Variants in INTS11 observed in about 807,000 individuals in gnomAD.
INTS11 encodes the protein CPSF3-like protein.
Under a neutral mutation model 78.6 loss-of-function variants are expected in INTS11, and 77 were observed. The observed-to-expected ratio is 0.98, with a 90% confidence interval of 0.81 to 1.18. INTS11 has a LOEUF of 1.18. Ranked by LOEUF, INTS11 falls within the 50% of genes most tolerant of loss-of-function variation. The pLI, the probability that INTS11 is intolerant of heterozygous loss-of-function variation, is 0.00. For missense variants in INTS11, 875 were observed against 825.9 expected (o/e 1.06, Z -0.73); for synonymous variants, 441 against 326.9 (o/e 1.35, Z -3.77).
chr1:1,314,550 G>A lies in INTS11; in HGVS notation c.703-185C>T. On this transcript the variant is annotated intron_variant, in intron 7 of 16. Transcript: ENST00000435064. This position sits in a 1 kb window ranked among gnomAD's most constrained non-coding sequence, Gnocchi z 4.2. ...AAGGGAGCCGTATGAGAGACAGGAGGGAGCCGCATGAGAGACAGAAGGGAG... is the reference window on the plus strand; with the variant it reads ...AAGGGAGCCGTATGAGAGACAGGAGAGAGCCGCATGAGAGACAGAAGGGAG... The A allele has an allele frequency of 6.2e-6, 4 of 643,264 alleles. No homozygotes were observed. The highest frequency in any genetic ancestry group is 1.1e-5 in the Non-Finnish European group (4 of 375,326). The allele number at this position is 643,264 out of a possible 1,614,324, so 39.8% of individuals were successfully genotyped here. A position where few individuals can be genotyped will look rare whatever the true frequency, so the allele number is the denominator to read the frequency against.
At chr1:1,315,188 C>CTGGGAAGAG in intron 6 of INTS11, 1 of 725,166 alleles carries the variant, frequency 1.4e-6, no homozygotes, top group East Asian at 2.7e-5. Context: ...GGCACCCACC[C>CTGGGAAGAG]AGAGACTTGG....
chr1:1,311,966 G>A, intron 16 of INTS11, 42 bp from the exon 17 acceptor site: 6 of 1,596,196 alleles, frequency 3.8e-6, no homozygotes, highest in East Asian at 2.2e-5. Flanking sequence ...GCAGGACAGG[G>A]AGGAATGTTG....
At chr1:1,320,038 A>G in intron 3 of INTS11, 1 of 217,192 alleles carries the variant, frequency 4.6e-6, no homozygotes, top group Non-Finnish European at 9.3e-6. Flanking sequence ...AGGACAGGGC[A>G]GGGAAGGGCA....
chr1:1,319,423 G>A lies in INTS11; in HGVS notation c.302C>T (p.Pro101Leu). ...YMTHPTQAIC[P>L]ILLEDYRKIA... ...CTTGCGGTAGTCCTCCAGCAAGATGGGGCAGATGGCCTGGGTGGGGTGAGT... is the reference window on the plus strand; with the variant it reads ...CTTGCGGTAGTCCTCCAGCAAGATGAGGCAGATGGCCTGGGTGGGGTGAGT... The change falls in exon 4 of 17, where the codon CCC (proline) becomes CTC (leucine). Residue 101 changes from proline to leucine, a missense_variant. Pro to Leu is a moderately conservative substitution (Grantham distance 98, BLOSUM62 -3). Coordinates refer to ENST00000435064, the MANE Select transcript of INTS11 (RefSeq NM_017871.6). 6.2e-7 allele frequency: 1 copy of A among 1,613,218 alleles called. No individual in the cohort carries two copies. The highest frequency in any genetic ancestry group is 8.5e-7 in the Non-Finnish European group (1 of 1,179,948).
At chr1:1,315,858 C>T (rs1285350723) in intron 4 of INTS11, among the ~76,000 whole-genome samples, 4 of 144,378 alleles carry the variant, frequency 2.8e-5, no homozygotes, top group African/African-American at 1.0e-4. Context: ...GGGCGGGGAG[C>T]GAGGGCACTG....
At chr1:1,323,299 G>A (rs775848452) in intron 1 of INTS11, 11 of 1,543,932 alleles carry the variant, frequency 7.1e-6, no homozygotes, top group Non-Finnish European at 9.6e-6. Flanking sequence ...TGTGGAAAAC[G>A]CTAAGGACAT....
rs763140442 is a variant in INTS11 at position 1,312,094 on chromosome 1, T to TC, written c.1660dup (p.Glu554GlyfsTer12). ...GGCGGCGGCCTGGAGGAGGACGGAC[T>TC]CCACAGTCACAGAGCCGTCTGGGAG... On this transcript the variant is annotated frameshift_variant, in exon 16 of 17. Coordinates refer to ENST00000435064, the MANE Select transcript of INTS11 (RefSeq NM_017871.6). LOFTEE classifies it high-confidence loss of function. The TC allele has an allele frequency of 1.9e-6, 3 of 1,576,090 alleles. No individual in the cohort carries two copies. The African/African-American group carries it at 4.0e-5, about 21-fold the overall frequency.
Position 1,314,331 on chromosome 1 carries a change from TGGGC to T in INTS11, c.733_736del (p.Ala245ArgfsTer14). On this transcript the variant is annotated frameshift_variant, in exon 8 of 17. Coordinates refer to ENST00000435064, the MANE Select transcript of INTS11 (RefSeq NM_017871.6). LOFTEE classifies it high-confidence loss of function. This position sits in a 1 kb window ranked among gnomAD's most constrained non-coding sequence, Gnocchi z 4.2. Reference sequence around the variant, plus strand: ...GGTCTCCAGGAGGATGCAGAGCTCCTGGGCGCGGCCCAGCGCGAACACAGGTATC... The same window carrying T: ...GGTCTCCAGGAGGATGCAGAGCTCCTGCGGCCCAGCGCGAACACAGGTATC... 6.2e-7 allele frequency: 1 copy of T among 1,606,928 alleles called. No individual in the cohort carries two copies. Among genetic ancestry groups the T allele is most frequent in the Non-Finnish European group, 8.5e-7 (1 of 1,177,614 alleles).
chr1:1,314,447 G>T lies in INTS11; in HGVS notation c.703-82C>A. 2.3e-6 allele frequency: 3 copies of T among 1,300,362 alleles called. No homozygotes were observed. The highest frequency in any genetic ancestry group is 1.3e-5 in the South Asian group (1 of 74,320). The allele number at this position is 1,300,362 out of a possible 1,614,324, so 80.6% of individuals were successfully genotyped here. On this transcript the variant is annotated intron_variant, in intron 7 of 16. Coordinates refer to ENST00000435064, the MANE Select transcript of INTS11 (RefSeq NM_017871.6). The surrounding 1 kb of genome is among the most constrained non-coding windows in gnomAD (Gnocchi z 4.2). ...GCGTCCAGTGAGGGCACGGCCAGGT[G>T]CCCAAGAGCTGCGGCCTCATAGGGA...
intron 1 of INTS11, chr1:1,322,949 A>G (rs1264751424): frequency 1.5e-6 from 2 of 1,358,120 alleles, no homozygotes. Context: ...AATTGAAGCC[A>G]CATGAAAGAT....
chr1:1,312,642 G>A lies in INTS11; in HGVS notation c.1353C>T (p.Ser451=), dbSNP rs763561763. The change falls in exon 13 of 17, where the codon AGC becomes AGT. Residue 451 remains serine, a synonymous_variant. Transcript: ENST00000435064. ...GCCCCAGCGAGATGCCTACGGGGAT[G>A]CTGGGGCTTGTGGGCAGCGTCACCG... is the stretch of plus-strand genomic sequence containing the variant. The part of the protein sequence containing the change: ...GETVTLPTSP[S]IPVGISLGLL... 4.2e-5 allele frequency: 67 copies of A among 1,591,962 alleles called. No homozygotes were observed. The highest frequency in any genetic ancestry group is 5.4e-5 in the Non-Finnish European group (63 of 1,165,552).
At chr1:1,324,431 G>A in intron 1 of INTS11, 150 bp downstream of exon 1, 1 of 749,614 alleles carries the variant, frequency 1.3e-6, no homozygotes, top group Non-Finnish European at 2.1e-6. Context: ...CCGCCTCTCG[G>A]CTCCCACCAG....
At chr1:1,315,657 A>G (rs1205202443) in intron 4 of INTS11, 39 bp from the exon 5 acceptor site, 2 of 1,423,800 alleles carry the variant, frequency 1.4e-6, no homozygotes, top group Non-Finnish European at 1.9e-6. Context: ...GTGTCCTCAC[A>G]GCAGAGGGGC....
chr1:1,315,706 C>T (rs1199657608), intron 4 of INTS11, 88 bp from the exon 5 acceptor site: 3 of 92,022 alleles, frequency 3.3e-5, no homozygotes, highest in South Asian at 4.8e-4. Flanking sequence ...GCGCGGGAGG[C>T]GGGGGTGGGG....
chr1:1,312,948 A>G lies in INTS11; in HGVS notation c.1133T>C (p.Leu378Pro), dbSNP rs766169503. Residue 378 changes from leucine to proline, a missense_variant and splice_region_variant, in exon 12 of 17, where the codon CTG becomes CCG. Transcript: ENST00000435064. The stretch of plus-strand genomic sequence containing the variant: ...GTACTCCACCTGCATCTTGACCTCC[A>G]GCTACAGAGGCCACGGGGCGTGGAC... ...RKLEMEGRQV[L>P]EVKMQVEYMS... 6.2e-7 allele frequency: 1 copy of G among 1,611,656 alleles called. No homozygotes were observed. Among genetic ancestry groups the G allele is most frequent in the African/African-American group, 1.3e-5 (1 of 75,032 alleles).
rs371231719 is a variant in INTS11 at position 1,313,721 on chromosome 1, G to T, written c.957+11C>A. On this transcript the variant is annotated intron_variant, in intron 9 of 16. Transcript: ENST00000435064. ...TGTGGATGTGCTGGCCGGCCCTGCC[G>T]CGGGCCTCACCATCGGTCCTGGGTT... 8.1e-6 allele frequency: 13 copies of T among 1,610,990 alleles called. No homozygotes were observed. The highest frequency in any genetic ancestry group is 3.3e-4 in the Middle Eastern group (2 of 6,058).
At chr1:1,318,847 T>C in intron 4 of INTS11, 1 of 623,762 alleles carries the variant, frequency 1.6e-6, no homozygotes, top group Non-Finnish European at 3.0e-6. Flanking sequence ...CACCTGTCAC[T>C]CGCTGATTTA....
Position 1,311,910 on chromosome 1 carries a change from C to A in INTS11, c.1752G>T (p.Gly584=). The A allele has an allele frequency of 6.4e-7, 1 of 1,574,738 alleles. No individual in the cohort carries two copies. The highest frequency in any genetic ancestry group is 8.6e-7 in the Non-Finnish European group (1 of 1,159,170). Residue 584 remains glycine, a synonymous_variant, in exon 17 of 17, where the codon GGG becomes GGT. Coordinates refer to ENST00000435064, the MANE Select transcript of INTS11 (RefSeq NM_017871.6). ...VSWTYQDEEL[G]SFLTSLLKKG... ...TCTTCAGCAGAGATGTGAGGAAGCTCCCCAGCTCCTCGTCCTAGGGCAGAG... is the reference window on the plus strand; with the variant it reads ...TCTTCAGCAGAGATGTGAGGAAGCTACCCAGCTCCTCGTCCTAGGGCAGAG...
Position 1,320,544 on chromosome 1 carries a change from G to A in INTS11, c.127-15C>T. On this transcript the variant is annotated splice_polypyrimidine_tract_variant and intron_variant, in intron 2 of 16. Transcript: ENST00000435064. Reference sequence around the variant, plus strand: ...GGGAAGCGTCGCTAGGAAGGATGTGGGGGTTTCAGGTTGCACAGTGGTCTC... The same window carrying A: ...GGGAAGCGTCGCTAGGAAGGATGTGAGGGTTTCAGGTTGCACAGTGGTCTC... The A allele has an allele frequency of 6.2e-7, 1 of 1,613,646 alleles. No individual in the cohort carries two copies. Among genetic ancestry groups the A allele is most frequent in the Non-Finnish European group, 8.5e-7 (1 of 1,179,798 alleles).
Sources: gnomAD v4.1 joint callset for allele counts (sites outside exome capture counted in the v4.1 genomes callset) on GRCh38, gnomAD v4.1.1 for gene constraint, Gnocchi (gnomAD v3.1) non-coding constraint, MANE v1.5 for transcripts, NCBI Gene and HGNC (gene_info 2026-07-23, HGNC 2026-07-21) for gene names.